MEX3D: variants seen among roughly 807,000 people sequenced by gnomAD.
MEX3D encodes RNA-binding protein MEX3D.
In MEX3D, 4 loss-of-function variants were observed where a neutral mutation model predicts 6.3. The observed-to-expected ratio is 0.64, with a 90% CI of 0.31 to 1.46. MEX3D has a LOEUF of 1.46. MEX3D is among the 40% of genes most tolerant of loss of function. The probability of loss-of-function intolerance (pLI) is 0.07; values close to 1 mark genes in which losing one functional copy is unlikely to be tolerated. For synonymous variants in MEX3D, 626 were observed against 494.1 expected (o/e 1.27, Z -3.54); for missense variants, 1,038 against 994.4 (o/e 1.04, Z -0.59).
intron 1 of MEX3D, among the ~76,000 whole-genome samples, chr19:1,565,347 G>A (rs1238847334): frequency 1.3e-5 from 2 of 152,178 alleles, no homozygotes; most frequent in Non-Finnish European, 2.9e-5. Flanking sequence ...TTCGAGACCA[G>A]CCTGGACAAC....
Position 1,556,741 on chromosome 19 carries a change from GACCCCC to G in MEX3D, c.772_777del (p.Gly258_Gly259del). On this transcript the variant is annotated inframe_deletion, in exon 2 of 2. Transcript: ENST00000402693. The surrounding 1 kb of genome is among the most constrained non-coding windows in gnomAD (Gnocchi z 7.5). ...GGCGGGCCCTGGGCGGCGCCGGGCA[GACCCCC>G]GGCCTTGCTGCGCGTGGCGCGGATG... is the stretch of plus-strand genomic sequence containing the variant. 2 of 1,611,968 alleles carry G rather than the reference GACCCCC, an allele frequency of 1.2e-6. No individual in the cohort carries two copies. The highest frequency in any genetic ancestry group is 1.7e-6 in the Non-Finnish European group (2 of 1,179,504).
rs958425127 is a variant in MEX3D, at chr19:1,567,784, C to T, written c.275G>A (p.Gly92Asp). The T allele has an allele frequency of 7.7e-5, 74 of 956,058 alleles. No individual in the cohort carries two copies. The highest frequency in any genetic ancestry group is 8.8e-5 in the Non-Finnish European group (71 of 803,336). 59.2% of individuals were successfully genotyped at this position (956,058 alleles called of 1,614,324 possible). A position where few individuals can be genotyped will look rare whatever the true frequency, so the allele number is the denominator to read the frequency against. ...AAGDGAAAAG[G>D]ADGGAAPEPV... ...CTCCGGAGCCGCCCCGCCGTCCGCG[C>T]CCCCCGCCGCCGCTGCGCCGTCCCC... Residue 92 changes from glycine (G) to aspartate (D), a missense_variant, in exon 1 of 2, where the codon GGC becomes GAC. By Grantham distance (94) the Gly-to-Asp change is moderately conservative (BLOSUM62 -1). Coordinates refer to ENST00000402693, the MANE Select transcript of MEX3D (RefSeq NM_203304.4). This position sits in a 1 kb window ranked among gnomAD's most constrained non-coding sequence, Gnocchi z 6.5.
Position 1,555,206 on chromosome 19 carries a change from G to T in MEX3D, c.*357C>A, listed in dbSNP as rs545133004. The T allele has an allele frequency of 7.0e-6, 7 of 997,936 alleles. No individual in the cohort carries two copies. The African/African-American group carries it at 8.6e-5, about 12-fold the overall frequency. The allele number at this position is 997,936 out of a possible 1,614,324, so 61.8% of individuals were successfully genotyped here. A position where few individuals can be genotyped will look rare whatever the true frequency, so the allele number is the denominator to read the frequency against. On this transcript the variant is annotated 3_prime_UTR_variant, in exon 2 of 2. Transcript: ENST00000402693. ...CGAAAGGAAAAAACGCTGAGCGCTG[G>T]AAAAGTCGTGTTTTTTGTTTTGCTT...
chr19:1,564,532 CAA>C (rs75476631), intron 1 of MEX3D, among the ~76,000 whole-genome samples: 201 of 68,188 alleles, frequency 2.9e-3, no homozygotes, highest in African/African-American at 8.9e-3. Context: ...GACTCCATCC[CAA>C]AAAAAAAAAA....
chr19:1,555,906 A>T lies in MEX3D; in HGVS notation c.1613T>A (p.Val538Glu). 1 of 1,222,686 alleles carries T rather than the reference A, an allele frequency of 8.2e-7. No homozygotes were observed. The highest frequency in any genetic ancestry group is 1.0e-6 in the Non-Finnish European group (1 of 981,224). 75.7% of individuals were successfully genotyped at this position (1,222,686 alleles called of 1,614,324 possible). A position where few individuals can be genotyped will look rare whatever the true frequency, so the allele number is the denominator to read the frequency against. The change falls in exon 2 of 2, where the codon GTG becomes GAG. Residue 538 changes from valine (V) to glutamate (E), a missense_variant. Physicochemically the swap from Val to Glu is moderately radical, Grantham distance 121 (BLOSUM62 -2). This residue lies in a region of MEX3D where 581 missense variants were observed against 516.2 expected (regional missense o/e 1.13). Transcript: ENST00000402693. ...CGGGGGTCGCCAGGACAGCGCGCCC[A>T]CCGGGTCCGGGGCGCCACGGCGAGA... ...PLSRRGAPDPVGALSWRPPQG... is the reference protein window; with the variant it reads ...PLSRRGAPDPEGALSWRPPQG...
At position 1,567,715 on chromosome 19, in the gene MEX3D, A is replaced by T; in HGVS notation, c.344T>A (p.Leu115Gln). ...CGACCCGGGGGCCACGGCGGGGGCC[A>T]GGGTCGGGGGCGCGCCGGCCTCAGG... ...DGPEAGAPPT[L>Q]APAVAPGSLP... is the part of the protein sequence containing the mutation. Residue 115 changes from leucine to glutamine, a missense_variant, in exon 1 of 2, where the codon CTG becomes CAG. Around this residue, in one of 5 missense-constraint regions of MEX3D, gnomAD observed 265 missense variants for 206.3 expected, o/e 1.28. Coordinates refer to ENST00000402693, the MANE Select transcript of MEX3D (RefSeq NM_203304.4). This position sits in a 1 kb window ranked among gnomAD's most constrained non-coding sequence, Gnocchi z 6.5. The T allele has an allele frequency of 1.0e-6, 1 of 1,004,760 alleles. No homozygotes were observed. Among genetic ancestry groups the T allele is most frequent in the Non-Finnish European group, 1.2e-6 (1 of 835,372 alleles). 62.2% of individuals were successfully genotyped at this position (1,004,760 alleles called of 1,614,324 possible).
At position 1,567,421 on chromosome 19, in the gene MEX3D, G is replaced by GCGGGGACCCCCAGGA. The variant is rs1914870015; in HGVS notation, c.595+28_595+42dup. 1.3e-6 allele frequency: 2 copies of GCGGGGACCCCCAGGA among 1,530,890 alleles called. No homozygotes were observed. Among genetic ancestry groups the GCGGGGACCCCCAGGA allele is most frequent in the Non-Finnish European group, 1.7e-6 (2 of 1,144,456 alleles). The allele number at this position is 1,530,890 out of a possible 1,614,324, so 94.8% of individuals were successfully genotyped here. On this transcript the variant is annotated intron_variant, in intron 1 of 1. Coordinates refer to ENST00000402693, the MANE Select transcript of MEX3D (RefSeq NM_203304.4). The surrounding 1 kb of genome is among the most constrained non-coding windows in gnomAD (Gnocchi z 6.5). Reference sequence around the variant, plus strand: ...GACCCCCTTCCCCGGGGCGGACGGTGCGGGGACCCCCAGGACAGCAACCCC... The same window carrying GCGGGGACCCCCAGGA: ...GACCCCCTTCCCCGGGGCGGACGGTGCGGGGACCCCCAGGACGGGGACCCCCAGGACAGCAACCCC...
Position 1,567,888 on chromosome 19 carries a change from G to T in MEX3D, c.171C>A (p.Ala57=), listed in dbSNP as rs1037656157. Residue 57 remains alanine (A), a synonymous_variant, in exon 1 of 2, where the codon GCC becomes GCA. Coordinates refer to ENST00000402693, the MANE Select transcript of MEX3D (RefSeq NM_203304.4). The surrounding 1 kb of genome is among the most constrained non-coding windows in gnomAD (Gnocchi z 6.5). ...RPPPEPDDAA[A]ALRLALDQLS... ...GCTGGTCCAGCGCCAGGCGGAGCGC[G>T]GCGGCCGCGTCGTCGGGTTCGGGCG... The T allele has an allele frequency of 3.1e-6, 3 of 982,570 alleles. No individual in the cohort carries two copies. The African/African-American group carries it at 5.3e-5, about 17-fold the overall frequency. 60.9% of individuals were successfully genotyped at this position (982,570 alleles called of 1,614,324 possible).
intron 1 of MEX3D, among the ~76,000 whole-genome samples, chr19:1,563,329 T>G (rs1251657290): frequency 6.6e-6 from 1 of 152,146 alleles, no homozygotes. Flanking sequence ...GGGAACAACC[T>G]AAAATCACTA....
chr19:1,568,153 C>G lies in MEX3D; in HGVS notation c.-95G>C. The G allele has an allele frequency of 3.1e-6, 3 of 971,762 alleles. No homozygotes were observed. Among genetic ancestry groups the G allele is most frequent in the Non-Finnish European group, 3.6e-6 (3 of 821,972 alleles). 60.2% of individuals were successfully genotyped at this position (971,762 alleles called of 1,614,324 possible). A position where few individuals can be genotyped will look rare whatever the true frequency, so the allele number is the denominator to read the frequency against. ...CCTCTGCGAGCTGGGCCGCCGGCCG[C>G]CTGCATCCAGCGGCGGGGGCGGGCA... On this transcript the variant is annotated 5_prime_UTR_variant, in exon 1 of 2. Coordinates refer to ENST00000402693, the MANE Select transcript of MEX3D (RefSeq NM_203304.4).
At position 1,560,968 on chromosome 19, in the gene MEX3D, T is replaced by C. The variant is rs192546565; in HGVS notation, c.596-4045A>G. Among the ~76,000 whole-genome samples the C allele has an allele frequency of 1.7e-3, 264 of 152,266 alleles. 1 individual carries two copies. The highest frequency in any genetic ancestry group is 6.8e-3 in the Middle Eastern group (2 of 294). On this transcript the variant is annotated intron_variant, in intron 1 of 1. Transcript: ENST00000402693. ...GACAGGAAGCCTGAAGGGCGGGCTC[T>C]GGGGGACACCGAAGGTTGGCAGGCA...
At position 1,555,431 on chromosome 19, in the gene MEX3D, G is replaced by GCCCCCCCC; in HGVS notation, c.*131_*132insGGGGGGGG. 6.9e-7 allele frequency: 1 copy of GCCCCCCCC among 1,454,368 alleles called. No homozygotes were observed. 90.1% of individuals were successfully genotyped at this position (1,454,368 alleles called of 1,614,324 possible). On this transcript the variant is annotated 3_prime_UTR_variant, in exon 2 of 2. Transcript: ENST00000402693. ...AGCTCATCTGTAAACACTGGCCGCC[G>GCCCCCCCC]CCCACCCCCCTGCCCCCTCGGCCTC...
At chr19:1,560,172 C>T (rs541121967) in intron 1 of MEX3D, among the ~76,000 whole-genome samples, 4 of 151,802 alleles carry the variant, frequency 2.6e-5, no homozygotes, top group East Asian at 1.9e-4. Flanking sequence ...TTCACAGGCC[C>T]GGCTTCACAG....
intron 1 of MEX3D, among the ~76,000 whole-genome samples, chr19:1,561,915 A>G (rs1914727345): frequency 6.6e-6 from 1 of 151,866 alleles, no homozygotes; most frequent in Admixed American, 6.5e-5. Context: ...CCAAAGTGCT[A>G]GGATTACAGG....
In MEX3D at chr19:1,555,595, G is replaced by T; in HGVS notation, c.1924C>A (p.Pro642Thr). Residue 642 changes from proline (P) to threonine (T), a missense_variant, in exon 2 of 2, where the codon CCG becomes ACG. Transcript: ENST00000402693. ...AAGATATGAATGGCCTGGGTGGCCG[G>T]CGTGCGGCAGGCGGGACACTCGGGC... ...SEPECPACRT[P>T]ATQAIHIFS 6.3e-7 allele frequency: 1 copy of T among 1,591,464 alleles called. No individual in the cohort carries two copies.
intron 1 of MEX3D, among the ~76,000 whole-genome samples, chr19:1,559,724 C>T (rs1340995054): frequency 3.3e-5 from 5 of 152,196 alleles, no homozygotes; most frequent in Admixed American, 3.3e-4. Context: ...AGGATCAGCA[C>T]TTTTGACGGG....
In MEX3D at chr19:1,556,487, G is replaced by C. The variant is rs778615790; in HGVS notation, c.1032C>G (p.Ala344=). ...IEAHITLRTG[A]FTDAGPDSDF... Reference sequence around the variant, plus strand: ...CGCTGTCGGGGCCCGCGTCGGTGAAGGCGCCAGTGCGCAGCGTGATGTGCG... The same window carrying C: ...CGCTGTCGGGGCCCGCGTCGGTGAACGCGCCAGTGCGCAGCGTGATGTGCG... Residue 344 remains alanine, a synonymous_variant, in exon 2 of 2, where the codon GCC becomes GCG. Transcript: ENST00000402693. The surrounding 1 kb of genome is among the most constrained non-coding windows in gnomAD (Gnocchi z 7.5). 1.2e-6 allele frequency: 2 copies of C among 1,603,632 alleles called. No homozygotes were observed. Among genetic ancestry groups the C allele is most frequent in the African/African-American group, 1.3e-5 (1 of 74,894 alleles).
At chr19:1,562,735 C>A (rs1347290569) in intron 1 of MEX3D, among the ~76,000 whole-genome samples, 1 of 152,070 alleles carries the variant, frequency 6.6e-6, no homozygotes, top group Non-Finnish European at 1.5e-5. Context: ...CAAGAAACCG[C>A]TAGGCGTGGT....
rs917079191 is a variant in MEX3D, at chr19:1,567,839, C to T, written c.220G>A (p.Ala74Thr). The change falls in exon 1 of 2, where the codon GCT (alanine) becomes ACT (threonine). Residue 74 changes from alanine (A) to threonine (T), a missense_variant. By Grantham distance (58) the Ala-to-Thr change is moderately conservative. This residue lies in a region of MEX3D where 265 missense variants were observed against 206.3 expected (regional missense o/e 1.28). Coordinates refer to ENST00000402693, the MANE Select transcript of MEX3D (RefSeq NM_203304.4). The surrounding 1 kb of genome is among the most constrained non-coding windows in gnomAD (Gnocchi z 6.5). ...DQLSALGLGG[A>T]GDTDEEGAAG... is the part of the protein sequence containing the mutation. ...GCCCCCTCCTCGTCCGTGTCGCCAG[C>T]GCCCCCCAGCCCGAGCGCCGACAGC... 1.0e-6 allele frequency: 1 copy of T among 1,001,892 alleles called. No individual in the cohort carries two copies. The highest frequency in any genetic ancestry group is 1.2e-6 in the Non-Finnish European group (1 of 841,732). 62.1% of individuals were successfully genotyped at this position (1,001,892 alleles called of 1,614,324 possible).
Sources: allele counts gnomAD v4.1 joint callset (sites outside exome capture counted in the v4.1 genomes callset), GRCh38; gene constraint gnomAD v4.1.1; regional missense constraint gnomAD v4.1.1; non-coding constraint Gnocchi (gnomAD v3.1); transcripts MANE v1.5; gene names NCBI Gene and HGNC (gene_info 2026-07-23, HGNC 2026-07-21).